Variants in GRID2 observed in about 807,000 individuals in gnomAD.
GRID2 encodes glutamate ionotropic receptor delta type subunit 2, also known as glutamate receptor ionotropic, delta-2.
A neutral mutation model predicts 114.8 loss-of-function variants in GRID2; 33 were observed. The observed-to-expected ratio is 0.29, with a 90% CI of 0.22 to 0.38. The LOEUF is 0.38. Among genes scored for constraint, GRID2 ranks in the 10% least tolerant of loss-of-function variants. The pLI is 1.00. For synonymous variants in GRID2, 505 were observed against 449.9 expected, an observed-to-expected ratio of 1.12 and a Z score of -1.55; for missense variants, 1,184 against 1,257.7, an observed-to-expected ratio of 0.94 and a Z score of 0.89.
chr4:92,475,533 AT>A (rs1227874604), intron 1 of GRID2, among the ~76,000 whole-genome samples: 2 of 151,914 alleles, frequency 1.3e-5, no homozygotes, highest in African/African-American at 2.4e-5. Flanking sequence ...TAGCACATGT[AT>A]CTGATTTTAA....
chr4:92,669,186 C>A (rs1006460667), intron 2 of GRID2, among the ~76,000 whole-genome samples: 2 of 151,826 alleles, frequency 1.3e-5, no homozygotes, highest in Non-Finnish European at 2.9e-5. Flanking sequence ...AAGTTCTATT[C>A]ATTTTTATAT....
chr4:92,758,987 A>G (rs962400206), intron 2 of GRID2, among the ~76,000 whole-genome samples: 1 of 152,188 alleles, frequency 6.6e-6, no homozygotes, highest in Non-Finnish European at 1.5e-5. Flanking sequence ...CTCCTAGGAG[A>G]ATCAATTTTT....
At chr4:93,570,940 A>G (rs1327031179) in intron 13 of GRID2, among the ~76,000 whole-genome samples, 1 of 152,116 alleles carries the variant, frequency 6.6e-6, no homozygotes, top group Non-Finnish European at 1.5e-5. Context: ...AAAGAAAACT[A>G]CTTCCCTCTC....
chr4:93,323,366 G>A (rs1341938667), intron 8 of GRID2, among the ~76,000 whole-genome samples: 1 of 152,056 alleles, frequency 6.6e-6, no homozygotes, highest in Non-Finnish European at 1.5e-5. Flanking sequence ...TAGATGTGTG[G>A]TATTATTTCT....
At chr4:93,671,761 G>T (rs1421515601) in intron 14 of GRID2, among the ~76,000 whole-genome samples, 1 of 151,878 alleles carries the variant, frequency 6.6e-6, no homozygotes, top group Non-Finnish European at 1.5e-5. Flanking sequence ...TTGAGGTCAG[G>T]AGTTCAAGAC....
Position 93,517,968 on chromosome 4 carries a change from CA to C in GRID2, c.2193+2558del, listed in dbSNP as rs1423210848. ...ACATACATGTATATGTATGTATATACATACATGTACATGTATGTATATACAT... is the reference window on the plus strand; with the variant it reads ...ACATACATGTATATGTATGTATATACTACATGTACATGTATGTATATACAT... On this transcript the variant is annotated intron_variant, in intron 13 of 15. Transcript: ENST00000282020. 8.7e-4 allele frequency among the ~76,000 whole-genome samples: 32 copies of C among 36,676 alleles called. 1 individual carries two copies. Among genetic ancestry groups the C allele is most frequent in the African/African-American group, 2.7e-3 (27 of 10,046 alleles). The allele number at this position is 36,676 out of a possible 152,430, so 24.1% of individuals were successfully genotyped here. A position where few individuals can be genotyped will look rare whatever the true frequency, so the allele number is the denominator to read the frequency against.
chr4:93,621,868 A>C (rs1227290536), intron 13 of GRID2, among the ~76,000 whole-genome samples: 1 of 152,228 alleles, frequency 6.6e-6, no homozygotes, highest in East Asian at 1.9e-4. Flanking sequence ...TTGGAACATT[A>C]GTATTGCAAG....
At chr4:92,379,660 A>G (rs369576973) in intron 1 of GRID2, among the ~76,000 whole-genome samples, 48 of 152,066 alleles carry the variant, frequency 3.2e-4, no homozygotes, top group African/African-American at 1.1e-3. Flanking sequence ...CTGAAAAATG[A>G]AAGACTAAGG....
intron 8 of GRID2, 37 bp from the exon 9 acceptor site, chr4:93,395,570 C>A: frequency 1.1e-6 from 1 of 897,938 alleles, no homozygotes; most frequent in Non-Finnish European, 1.9e-6. Context: ...GACTGTTCTT[C>A]AGGCAGAAAA....
chr4:93,772,505 A>T lies in GRID2; in HGVS notation c.*7A>T. 1 of 1,551,920 alleles carries T rather than the reference A, an allele frequency of 6.4e-7. No individual in the cohort carries two copies. The highest frequency in any genetic ancestry group is 2.3e-5 in the East Asian group (1 of 44,338). On this transcript the variant is annotated 3_prime_UTR_variant, in exon 16 of 16. Transcript: ENST00000282020. ...CCGAGGCACCTCCATATGAGCATCAAACAAATCTCTTCACTGTTTCTTTTT... is the reference window on the plus strand; with the variant it reads ...CCGAGGCACCTCCATATGAGCATCATACAAATCTCTTCACTGTTTCTTTTT...
At chr4:93,169,250 C>T (rs945784222) in intron 4 of GRID2, among the ~76,000 whole-genome samples, 1 of 150,618 alleles carries the variant, frequency 6.6e-6, no homozygotes, top group African/African-American at 2.4e-5. Context: ...AGCACACAAA[C>T]CAGAAATATG....
intron 2 of GRID2, among the ~76,000 whole-genome samples, chr4:93,008,655 T>C (rs1012347320): frequency 1.1e-4 from 17 of 152,158 alleles, no homozygotes; most frequent in African/African-American, 4.1e-4. Flanking sequence ...TTGCTGGAGA[T>C]AGTTGATGTA....
chr4:93,484,563 G>A (rs1252018381), intron 11 of GRID2, among the ~76,000 whole-genome samples: 2 of 151,848 alleles, frequency 1.3e-5, no homozygotes, highest in Non-Finnish European at 2.9e-5. Flanking sequence ...GCAACTGGGG[G>A]GCTGCCACAA....
intron 8 of GRID2, among the ~76,000 whole-genome samples, chr4:93,340,965 T>C (rs989634851): frequency 1.1e-4 from 16 of 152,150 alleles, no homozygotes; most frequent in Non-Finnish European, 2.1e-4. Flanking sequence ...TCCTTGGGCT[T>C]CTCAGAGTAT....
chr4:92,882,561 C>A (rs760726110), intron 2 of GRID2, among the ~76,000 whole-genome samples: 29 of 151,992 alleles, frequency 1.9e-4, no homozygotes, highest in Middle Eastern at 3.4e-3. Context: ...GAAAAACACT[C>A]TGTTAATTAA....
At chr4:92,850,921 G>A (rs1743734474) in intron 2 of GRID2, among the ~76,000 whole-genome samples, 1 of 151,848 alleles carries the variant, frequency 6.6e-6, no homozygotes, top group African/African-American at 2.4e-5. Flanking sequence ...CTTTATTTTA[G>A]GCACCAATAG....
chr4:92,721,901 A>C (rs1342308626), intron 2 of GRID2, among the ~76,000 whole-genome samples: 2 of 152,194 alleles, frequency 1.3e-5, no homozygotes, highest in East Asian at 1.9e-4. Context: ...TGAAATAAAC[A>C]TATCATTGAC....
At chr4:92,678,151 A>C (rs1401665503) in intron 2 of GRID2, among the ~76,000 whole-genome samples, 1 of 151,902 alleles carries the variant, frequency 6.6e-6, no homozygotes, top group East Asian at 1.9e-4. Flanking sequence ...TACCTTTTTA[A>C]TTAGGTCTTC....
chr4:92,788,876 G>A (rs1442738374), intron 2 of GRID2, among the ~76,000 whole-genome samples: 1 of 151,574 alleles, frequency 6.6e-6, no homozygotes, highest in East Asian at 1.9e-4. Context: ...ACAATTATAT[G>A]TTGCAAGTAA....
Sources: gnomAD v4.1 joint callset for allele counts (sites outside exome capture counted in the v4.1 genomes callset) on GRCh38, gnomAD v4.1.1 for gene constraint, MANE v1.5 for transcripts, NCBI Gene and HGNC (gene_info 2026-07-23, HGNC 2026-07-21) for gene names.